LYRM1: variants seen among roughly 807,000 people sequenced by gnomAD.
LYRM1 encodes the protein LYR motif containing 1, also known as LYR motif-containing protein 1.
In LYRM1, 14 loss-of-function variants were observed where a neutral mutation model predicts 14.9. The ratio of observed to expected loss-of-function variants is 0.94; its 90% CI spans 0.62 to 1.47. The LOEUF (loss-of-function observed/expected upper bound fraction) is 1.47, where lower values mean the gene tolerates loss of function less well. Among genes scored for constraint, LYRM1 ranks in the 40% most tolerant of loss-of-function variants. The probability of loss-of-function intolerance (pLI) is 0.00; values close to 1 mark genes in which losing one functional copy is unlikely to be tolerated. For missense variants in LYRM1, 153 were observed against 149.9 expected (o/e 1.02, Z -0.11); for synonymous variants, 43 against 56.2 (o/e 0.77, Z 1.05).
At chr16:20,918,480 G>A (rs944265227) in intron 2 of LYRM1, among the ~76,000 whole-genome samples, 2 of 152,180 alleles carry the variant, frequency 1.3e-5, no homozygotes, top group African/African-American at 4.8e-5. Context: ...AAATGCTATT[G>A]CTTAAGAGAG....
rs2082860677 is a variant in LYRM1 at position 20,915,742 on chromosome 16, C to G, written c.159+28C>G. Reference sequence around the variant, plus strand: ...AAGTAGGCCCCACTTGGAGATTGTGCAGAGGAGAGTTGTTCCTTATGATAT... The same window carrying G: ...AAGTAGGCCCCACTTGGAGATTGTGGAGAGGAGAGTTGTTCCTTATGATAT... On this transcript the variant is annotated intron_variant, in intron 2 of 3. Transcript: ENST00000567954. The G allele has an allele frequency of 5.6e-6, 9 of 1,608,072 alleles. No individual in the cohort carries two copies. In the East Asian group the frequency reaches 2.0e-4, roughly 36 times the overall value.
At chr16:20,912,801 T>G (rs1263149400) in intron 1 of LYRM1, among the ~76,000 whole-genome samples, 2 of 150,518 alleles carry the variant, frequency 1.3e-5, no homozygotes, top group African/African-American at 4.9e-5. Context: ...GTGCGGTGGC[T>G]CATGCCTGTA....
At chr16:20,903,086 T>C (rs1160547101) in intron 1 of LYRM1, among the ~76,000 whole-genome samples, 1 of 152,112 alleles carries the variant, frequency 6.6e-6, no homozygotes, top group African/African-American at 2.4e-5. Context: ...AGCTGAAGGG[T>C]TGGCCTAGAT....
chr16:20,913,073 AAT>A (rs1471128542), intron 1 of LYRM1, among the ~76,000 whole-genome samples: 1 of 37,460 alleles, frequency 2.7e-5, no homozygotes, highest in East Asian at 8.6e-3. Context: ...TCTCAAAAAT[AAT>A]AATAATAATA....
chr16:20,903,046 G>T (rs74014627), intron 1 of LYRM1, among the ~76,000 whole-genome samples: 2,678 of 152,296 alleles, frequency 0.018, 79 homozygotes, highest in African/African-American at 0.061. Flanking sequence ...CTGACCAGCA[G>T]AGTGGCCATG....
At chr16:20,910,500 G>GATA (rs2082536319) in intron 1 of LYRM1, among the ~76,000 whole-genome samples, 3 of 152,274 alleles carry the variant, frequency 2.0e-5, no homozygotes, top group East Asian at 1.9e-4. Flanking sequence ...TTACCTTGAG[G>GATA]GTATTAACCT....
intron 1 of LYRM1, among the ~76,000 whole-genome samples, chr16:20,909,971 T>C (rs917431426): frequency 2.0e-5 from 3 of 152,152 alleles, no homozygotes; most frequent in African/African-American, 7.2e-5. Flanking sequence ...AGGAGTGCTA[T>C]ACAAACAAGA....
chr16:20,912,004 A>T (rs1284858392), intron 1 of LYRM1, among the ~76,000 whole-genome samples: 1 of 151,084 alleles, frequency 6.6e-6, no homozygotes, highest in African/African-American at 2.4e-5. Flanking sequence ...CTTGTAGTGC[A>T]ATCTCAGCTT....
rs182121297 is a variant in LYRM1 at position 20,915,522 on chromosome 16, A to T, written c.1-34A>T. ...CTCCTGTCAAGTTGCATTTTTATGC[A>T]AATTTTCCCTCTTCTATTTTGGTGG... is the stretch of plus-strand genomic sequence containing the variant. On this transcript the variant is annotated intron_variant, in intron 1 of 3. Transcript: ENST00000567954. The T allele has an allele frequency of 9.6e-5, 152 of 1,590,954 alleles. 1 individual carries two copies. The Middle Eastern group carries it at 1.7e-3, about 18-fold the overall frequency.
upstream of LYRM1, chr16:20,900,576 G>C (rs79898703): frequency 0.049 from 7,432 of 152,420 alleles, 416 homozygotes; most frequent in African/African-American, 0.14. Flanking sequence ...AGCTGGGCTG[G>C]ACCATTTTTT....
At chr16:20,907,690 C>T (rs963942487) in intron 1 of LYRM1, among the ~76,000 whole-genome samples, 5 of 152,130 alleles carry the variant, frequency 3.3e-5, no homozygotes, top group Non-Finnish European at 4.4e-5. Flanking sequence ...TCGATTCCCA[C>T]GTCACATCCT....
chr16:20,909,749 T>C (rs955465192), intron 1 of LYRM1, among the ~76,000 whole-genome samples: 2 of 152,336 alleles, frequency 1.3e-5, no homozygotes, highest in African/African-American at 2.4e-5. Context: ...TTTTAAACTT[T>C]TTAAAAAATA....
intron 1 of LYRM1, among the ~76,000 whole-genome samples, chr16:20,902,982 A>G (rs2082142004): frequency 6.6e-6 from 1 of 152,186 alleles, no homozygotes; most frequent in African/African-American, 2.4e-5. Context: ...AATATAGTGT[A>G]AAGGGTATCA....
intron 1 of LYRM1, among the ~76,000 whole-genome samples, chr16:20,904,087 A>T (rs2082197436): frequency 6.6e-6 from 1 of 151,788 alleles, no homozygotes; most frequent in African/African-American, 2.4e-5. Flanking sequence ...CTTTTTCACC[A>T]CCTCTGACTG....
intron 3 of LYRM1, among the ~76,000 whole-genome samples, chr16:20,922,947 CCA>C (rs1250414637): frequency 1.3e-5 from 2 of 152,054 alleles, no homozygotes; most frequent in Admixed American, 6.6e-5. Context: ...GTAGAAATCC[CCA>C]GTCTGAGGCC....
chr16:20,916,082 GTTTTTT>G (rs3216893), intron 2 of LYRM1, among the ~76,000 whole-genome samples: 3 of 149,464 alleles, frequency 2.0e-5, no homozygotes, highest in Non-Finnish European at 1.5e-5. Context: ...TGTTGTTGTT[GTTTTTT>G]TTTTCAATTC....
intron 2 of LYRM1, among the ~76,000 whole-genome samples, chr16:20,918,903 C>T (rs1306203547): frequency 6.6e-6 from 1 of 152,080 alleles, no homozygotes; most frequent in African/African-American, 2.4e-5. Flanking sequence ...ATTGCTGTTC[C>T]TGGAACTCTT....
At chr16:20,914,356 T>A (rs1421809660) in intron 1 of LYRM1, among the ~76,000 whole-genome samples, 1 of 150,172 alleles carries the variant, frequency 6.7e-6, no homozygotes, top group African/African-American at 2.4e-5. Flanking sequence ...TGGTGCAATC[T>A]TGGCTCACTG....
intron 2 of LYRM1, 89 bp from the exon 3 acceptor site, chr16:20,920,033 A>T: frequency 1.4e-6 from 1 of 714,826 alleles, no homozygotes; most frequent in Non-Finnish European, 2.2e-6. Context: ...CTGGCTAGTG[A>T]ACTAAAAAAG....
Sources: gnomAD v4.1 joint callset for allele counts (sites outside exome capture counted in the v4.1 genomes callset) on GRCh38, gnomAD v4.1.1 for gene constraint, MANE v1.5 for transcripts, NCBI Gene and HGNC (gene_info 2026-07-23, HGNC 2026-07-21) for gene names.